Variants in EYS observed in about 807,000 individuals in gnomAD.
The protein encoded by EYS is protein eyes shut homolog.
A neutral mutation model predicts 282.1 loss-of-function variants in EYS; 250 were observed. The ratio of observed to expected loss-of-function variants is 0.89; its 90% confidence interval spans 0.80 to 0.98. The LOEUF is 0.98. Ranked by LOEUF, EYS falls within the 50% of genes least tolerant of loss-of-function variation. The pLI is 0.00. For synonymous variants in EYS, 1,355 were observed against 1,282.9 expected, an observed-to-expected ratio of 1.06 and a Z score of -1.20; for missense variants, 4,016 against 3,709.0, an observed-to-expected ratio of 1.08 and a Z score of -2.15.
At chr6:65,083,530 A>G (rs1427249624) in intron 12 of EYS, among the ~76,000 whole-genome samples, 1 of 152,008 alleles carries the variant, frequency 6.6e-6, no homozygotes, top group Non-Finnish European at 1.5e-5. Context: ...TTTATATTCA[A>G]TGATTTGTCT....
intron 11 of EYS, among the ~76,000 whole-genome samples, chr6:65,302,094 CTCTTT>C (rs1768855973): frequency 6.6e-6 from 1 of 152,108 alleles, no homozygotes; most frequent in Non-Finnish European, 1.5e-5. Context: ...TTTAAATGAA[CTCTTT>C]TTTTTGTTTT....
intron 13 of EYS, among the ~76,000 whole-genome samples, chr6:65,016,186 A>G (rs1468890100): frequency 6.6e-6 from 1 of 151,870 alleles, no homozygotes; most frequent in Non-Finnish European, 1.5e-5. Context: ...TAACATGGTG[A>G]AACCTCGTTT....
chr6:65,107,966 A>G (rs1292946176), intron 12 of EYS, among the ~76,000 whole-genome samples: 4 of 152,162 alleles, frequency 2.6e-5, no homozygotes, highest in Non-Finnish European at 5.9e-5. Flanking sequence ...ACATACAATC[A>G]TTATAAATCC....
At chr6:65,016,230 C>G (rs1466075440) in intron 13 of EYS, among the ~76,000 whole-genome samples, 2 of 151,512 alleles carry the variant, frequency 1.3e-5, no homozygotes, top group African/African-American at 4.8e-5. Flanking sequence ...TATATTTTTC[C>G]TCTAATTGAA....
chr6:65,102,238 A>T (rs932538795), intron 12 of EYS, among the ~76,000 whole-genome samples: 9 of 151,342 alleles, frequency 5.9e-5, no homozygotes, highest in Non-Finnish European at 1.3e-4. Flanking sequence ...TTGAGAAAAT[A>T]TGTGTAGCTT....
At chr6:65,318,012 C>T (rs1347636776) in intron 11 of EYS, among the ~76,000 whole-genome samples, 5 of 150,884 alleles carry the variant, frequency 3.3e-5, no homozygotes, top group Middle Eastern at 3.4e-3. Flanking sequence ...GGATGACAGG[C>T]GCCCGCCACC....
chr6:63,807,042 G>A (rs560333924), intron 36 of EYS, among the ~76,000 whole-genome samples: 1 of 152,254 alleles, frequency 6.6e-6, no homozygotes, highest in East Asian at 1.9e-4. Flanking sequence ...GGTAAAATTA[G>A]ATGAAGTTCA....
chr6:65,072,108 T>C (rs1773919290), intron 12 of EYS, among the ~76,000 whole-genome samples: 1 of 151,838 alleles, frequency 6.6e-6, no homozygotes, highest in Non-Finnish European at 1.5e-5. Flanking sequence ...GCTTGTACAA[T>C]GTGGGATTAA....
At chr6:65,272,325 G>A (rs531001752) in intron 12 of EYS, among the ~76,000 whole-genome samples, 42 of 152,160 alleles carry the variant, frequency 2.8e-4, no homozygotes, top group South Asian at 4.1e-4. Flanking sequence ...GTGTTCCCTT[G>A]ACTTTGACCC....
intron 36 of EYS, among the ~76,000 whole-genome samples, chr6:63,835,734 ATAAAT>A (rs1771788193): frequency 6.6e-6 from 1 of 152,232 alleles, no homozygotes; most frequent in East Asian, 1.9e-4. Flanking sequence ...ACAAATAATA[ATAAAT>A]TAAATATGAA....
chr6:64,537,000 ATTTAT>A (rs1764536832), intron 26 of EYS, among the ~76,000 whole-genome samples: 1 of 149,340 alleles, frequency 6.7e-6, no homozygotes, highest in Non-Finnish European at 1.5e-5. Context: ...TGTAAAATTT[ATTTAT>A]TTTGTTTTTT....
chr6:65,117,809 C>T (rs1483220678), intron 12 of EYS, among the ~76,000 whole-genome samples: 1 of 152,124 alleles, frequency 6.6e-6, no homozygotes, highest in Non-Finnish European at 1.5e-5. Flanking sequence ...GTTATTAATG[C>T]CCTAGGCACT....
At chr6:64,603,799 C>G (rs950464254) in intron 24 of EYS, among the ~76,000 whole-genome samples, 2 of 150,176 alleles carry the variant, frequency 1.3e-5, no homozygotes, top group Admixed American at 6.7e-5. Context: ...ATAGATAGTA[C>G]TACAGATCAC....
intron 26 of EYS, among the ~76,000 whole-genome samples, chr6:64,459,624 T>C (rs1430700985): frequency 6.6e-6 from 1 of 152,068 alleles, no homozygotes; most frequent in Non-Finnish European, 1.5e-5. Flanking sequence ...AAATCACTGG[T>C]GTAAGTCCAA....
intron 11 of EYS, chr6:65,329,934 A>G: frequency 3.1e-6 from 3 of 977,646 alleles, no homozygotes; most frequent in Non-Finnish European, 3.6e-6. Flanking sequence ...TTATAACTGA[A>G]AATTATGTTT....
chr6:65,461,285 T>C (rs899373326), intron 5 of EYS, among the ~76,000 whole-genome samples: 11 of 152,136 alleles, frequency 7.2e-5, no homozygotes, highest in African/African-American at 2.7e-4. Flanking sequence ...TGATAAGCAC[T>C]ATTTTTAGCA....
At chr6:63,771,185 C>T (rs1357170306) in intron 40 of EYS, among the ~76,000 whole-genome samples, 2 of 152,032 alleles carry the variant, frequency 1.3e-5, no homozygotes, top group Non-Finnish European at 2.9e-5. Context: ...ACCCTGGTTG[C>T]ATTGGGATGA....
At chr6:65,452,721 T>C (rs1764451062) in intron 5 of EYS, among the ~76,000 whole-genome samples, 1 of 152,038 alleles carries the variant, frequency 6.6e-6, no homozygotes, top group South Asian at 2.1e-4. Flanking sequence ...GAGGGAACTA[T>C]GTTAGCAAGT....
intron 13 of EYS, among the ~76,000 whole-genome samples, chr6:65,051,902 G>T (rs1773280764): frequency 1.3e-5 from 2 of 151,484 alleles, no homozygotes; most frequent in African/African-American, 2.4e-5. Context: ...TAGGCAATTT[G>T]AGTATTGTGG....
Sources: gnomAD v4.1 joint callset for allele counts (sites outside exome capture counted in the v4.1 genomes callset) on GRCh38, gnomAD v4.1.1 for gene constraint, MANE v1.5 for transcripts, NCBI Gene and HGNC (gene_info 2026-07-23, HGNC 2026-07-21) for gene names.